The following CRY1 variants were observed in gnomAD, a reference collection of about 807,000 sequenced individuals.
CRY1 encodes cryptochrome circadian regulator 1, also known as cryptochrome-1.
Under a neutral mutation model 76.0 loss-of-function variants are expected in CRY1, and 45 were observed. That is an observed-to-expected ratio of 0.59 (90% confidence interval 0.47 to 0.76). The LOEUF (loss-of-function observed/expected upper bound fraction) is 0.76, where lower values mean the gene tolerates loss of function less well. CRY1 is among the 30% of genes least tolerant of loss of function. The pLI, the probability that CRY1 is intolerant of heterozygous loss-of-function variation, is 0.00. For synonymous variants in CRY1, 248 were observed against 244.0 expected (o/e 1.02, Z -0.15); for missense variants, 587 against 716.4 (o/e 0.82, Z 2.06).
chr12:107,067,721 A>T, intron 1 of CRY1, among the ~76,000 whole-genome samples: 1 of 152,180 alleles, frequency 6.6e-6, no homozygotes, highest in East Asian at 1.9e-4. Context: ...GGGGGGAAGA[A>T]GGTGTTGGAA....
In CRY1 at chr12:107,001,654, T is replaced by C; in HGVS notation, c.595+110A>G. 3.0e-6 allele frequency: 3 copies of C among 999,136 alleles called. No individual in the cohort carries two copies. The East Asian group carries it at 7.8e-5, about 26-fold the overall frequency. The allele number at this position is 999,136 out of a possible 1,614,324, so 61.9% of individuals were successfully genotyped here. A position where few individuals can be genotyped will look rare whatever the true frequency, so the allele number is the denominator to read the frequency against. On this transcript the variant is annotated intron_variant, in intron 4 of 12. Coordinates refer to ENST00000008527, the MANE Select transcript of CRY1 (RefSeq NM_004075.5). ...TTTTTCTTCTCCCCCTGCCCTTTCT[T>C]TCTCTCCTAATGCAAAATACTTTAC...
At chr12:107,062,630 A>G (rs963572725) in intron 1 of CRY1, among the ~76,000 whole-genome samples, 2 of 152,146 alleles carry the variant, frequency 1.3e-5, no homozygotes, top group Non-Finnish European at 2.9e-5. Flanking sequence ...TCCCTCATAC[A>G]TACACCATAG....
intron 1 of CRY1, among the ~76,000 whole-genome samples, chr12:107,069,772 A>G (rs1348784639): frequency 6.8e-6 from 1 of 147,384 alleles, no homozygotes; most frequent in East Asian, 1.9e-4. Context: ...ATACATATAT[A>G]TACTTTAAAC....
intron 1 of CRY1, among the ~76,000 whole-genome samples, chr12:107,039,031 AG>A (rs1358353115): frequency 1.3e-5 from 2 of 152,204 alleles, no homozygotes; most frequent in Non-Finnish European, 2.9e-5. Context: ...AGGCTGAGGC[AG>A]AAGAATCACT....
chr12:107,036,488 A>T (rs1425173001), intron 1 of CRY1, among the ~76,000 whole-genome samples: 1 of 151,934 alleles, frequency 6.6e-6, no homozygotes, highest in Non-Finnish European at 1.5e-5. Context: ...CCTTACTGCC[A>T]TCCAGTCCAG....
intron 7 of CRY1, among the ~76,000 whole-genome samples, chr12:106,998,655 ATT>A (rs1477511282): frequency 1.1e-5 from 1 of 90,750 alleles, no homozygotes; most frequent in Non-Finnish European, 2.0e-5. Flanking sequence ...AATATAAGAG[ATT>A]AAACACACAC....
At chr12:107,008,824 A>C (rs369802382) in intron 2 of CRY1, among the ~76,000 whole-genome samples, 1 of 152,144 alleles carries the variant, frequency 6.6e-6, no homozygotes, top group Non-Finnish European at 1.5e-5. Context: ...AATAAGTCTC[A>C]CAAGGTCTGA....
chr12:107,083,746 G>A lies in CRY1; in HGVS notation c.158+9058C>T, dbSNP rs551970440. On this transcript the variant is annotated intron_variant, in intron 1 of 12. Transcript: ENST00000008527. ...CCATAGCCAATATCATACTGAATGGGCAAAAGCTGGAAGCATTCCCATTGA... is the reference window on the plus strand; with the variant it reads ...CCATAGCCAATATCATACTGAATGGACAAAAGCTGGAAGCATTCCCATTGA... 4.6e-5 allele frequency among the ~76,000 whole-genome samples: 7 copies of A among 152,246 alleles called. No homozygotes were observed. The East Asian group carries it at 7.7e-4, about 17-fold the overall frequency.
chr12:107,018,601 AAAATAG>A (rs1335240220), intron 2 of CRY1, among the ~76,000 whole-genome samples: 1 of 152,142 alleles, frequency 6.6e-6, no homozygotes, highest in African/African-American at 2.4e-5. Flanking sequence ...AATAAAAATA[AAAATAG>A]AAATAATTAA....
intron 1 of CRY1, among the ~76,000 whole-genome samples, chr12:107,034,612 T>G (rs1348727899): frequency 6.6e-6 from 1 of 152,140 alleles, no homozygotes; most frequent in East Asian, 1.9e-4. Context: ...ATGAATTCGG[T>G]TGCTCAACTA....
At chr12:107,061,914 T>C (rs925686308) in intron 1 of CRY1, among the ~76,000 whole-genome samples, 3 of 151,546 alleles carry the variant, frequency 2.0e-5, no homozygotes, top group Admixed American at 2.0e-4. Flanking sequence ...TCCCAGCTAC[T>C]TGGGAGGCTG....
At chr12:107,072,535 T>C (rs1953202210) in intron 1 of CRY1, among the ~76,000 whole-genome samples, 1 of 152,172 alleles carries the variant, frequency 6.6e-6, no homozygotes. Context: ...AACACAGAAG[T>C]CCTATGTTAT....
intron 1 of CRY1, among the ~76,000 whole-genome samples, chr12:107,055,738 A>G (rs1952974785): frequency 6.6e-6 from 1 of 151,982 alleles, no homozygotes; most frequent in Non-Finnish European, 1.5e-5. Context: ...GTTTGGGTGT[A>G]ATTGCTCACA....
At chr12:107,011,856 GGAA>G (rs1485187482) in intron 2 of CRY1, among the ~76,000 whole-genome samples, 4 of 152,204 alleles carry the variant, frequency 2.6e-5, no homozygotes, top group Admixed American at 1.3e-4. Context: ...GCCTTCTATT[GGAA>G]GAAGATGTCA....
At chr12:107,067,004 C>G (rs769571786) in intron 1 of CRY1, among the ~76,000 whole-genome samples, 1 of 150,068 alleles carries the variant, frequency 6.7e-6, no homozygotes, top group African/African-American at 2.5e-5. Flanking sequence ...GAGACTGAGT[C>G]TCACTATGTT....
chr12:107,060,933 C>A (rs1389169364), intron 1 of CRY1, among the ~76,000 whole-genome samples: 1 of 152,082 alleles, frequency 6.6e-6, no homozygotes, highest in East Asian at 1.9e-4. Flanking sequence ...TGAGATCGCG[C>A]CACTGCACTC....
chr12:107,051,659 C>G (rs910340512), intron 1 of CRY1, among the ~76,000 whole-genome samples: 1 of 152,104 alleles, frequency 6.6e-6, no homozygotes, highest in Non-Finnish European at 1.5e-5. Flanking sequence ...GGCCTTTTAA[C>G]TATCATAGCA....
rs73386611 is a variant in CRY1 at position 106,995,475 on chromosome 12, T to C, written c.1585+1819A>G. Among the ~76,000 whole-genome samples the C allele has an allele frequency of 3.2e-3, 491 of 152,292 alleles. 6 individuals are homozygous for C. Among genetic ancestry groups the C allele is most frequent in the African/African-American group, 7.2e-3 (298 of 41,566 alleles). Reference sequence around the variant, plus strand: ...CCTGTTTTTTTTATTTTGAAAAATATAGATTCACAAACAGTTGTAAAGTTA... The same window carrying C: ...CCTGTTTTTTTTATTTTGAAAAATACAGATTCACAAACAGTTGTAAAGTTA... On this transcript the variant is annotated intron_variant, in intron 10 of 12. Transcript: ENST00000008527.
chr12:106,998,126 TC>T (rs1952254862), intron 7 of CRY1, 60 bp from the exon 8 acceptor site: 10 of 1,593,260 alleles, frequency 6.3e-6, no homozygotes, highest in South Asian at 4.5e-5. Flanking sequence ...GCAAGCATTT[TC>T]AAGGTCACAG....
Sources: gnomAD v4.1 joint callset for allele counts (sites outside exome capture counted in the v4.1 genomes callset) on GRCh38, gnomAD v4.1.1 for gene constraint, MANE v1.5 for transcripts, NCBI Gene and HGNC (gene_info 2026-07-23, HGNC 2026-07-21) for gene names.